The following TXNDC16 variants were observed in gnomAD, a reference collection of about 807,000 sequenced individuals.
TXNDC16 encodes the protein thioredoxin domain-containing protein 16.
TXNDC16 carries 74 observed loss-of-function variants against 85.6 expected under a neutral mutation model. The ratio of observed to expected loss-of-function variants is 0.86; its 90% CI spans 0.72 to 1.05. The LOEUF is 1.05. Among genes scored for constraint, TXNDC16 ranks in the 50% least tolerant of loss-of-function variants. TXNDC16 has a pLI of 0.00. For synonymous variants in TXNDC16, 335 were observed against 326.5 expected (o/e 1.03, Z -0.28); for missense variants, 959 against 947.0 (o/e 1.01, Z -0.17).
chr14:52,438,846 T>G (rs2035096246), intron 20 of TXNDC16, among the ~76,000 whole-genome samples: 1 of 152,228 alleles, frequency 6.6e-6, no homozygotes, highest in Non-Finnish European at 1.5e-5. Context: ...TCTTCTGAAA[T>G]CTACAATTTT....
At chr14:52,506,527 C>CA (rs2036805766) in intron 9 of TXNDC16, among the ~76,000 whole-genome samples, 1 of 97,550 alleles carries the variant, frequency 1.0e-5, no homozygotes, top group African/African-American at 4.4e-5. Flanking sequence ...TTCAACAACC[C>CA]TTTTTTTTTT....
At chr14:52,433,515 A>G (rs2034955591) in intron 20 of TXNDC16, among the ~76,000 whole-genome samples, 1 of 152,238 alleles carries the variant, frequency 6.6e-6, no homozygotes, top group Non-Finnish European at 1.5e-5. Context: ...AATGCTCATA[A>G]GATACAAACT....
rs751358262 is a variant in TXNDC16 at position 52,457,131 on chromosome 14, A to G, written c.1662T>C (p.Tyr554=). The G allele has an allele frequency of 1.3e-6, 2 of 1,594,330 alleles. No individual in the cohort carries two copies. Among genetic ancestry groups the G allele is most frequent in the East Asian group, 4.6e-5 (2 of 43,746 alleles). ...CTTCAGAATAAATTCCAGTGATAAC[A>G]TATCCTTTTAGGTAGTTTCCTGCTT... ...FSEAGNYLKG[Y]VITGIYSEED... is the part of the protein sequence containing the mutation. The change falls in exon 17 of 21, where the codon TAT becomes TAC. Residue 554 remains tyrosine (Y), a synonymous_variant. Coordinates refer to ENST00000281741, the MANE Select transcript of TXNDC16 (RefSeq NM_020784.3).
Position 52,543,631 on chromosome 14 carries a change from C to A in TXNDC16, c.-73-1G>T. On this transcript the variant is annotated splice_acceptor_variant, in intron 2 of 20. Coordinates refer to ENST00000281741, the MANE Select transcript of TXNDC16 (RefSeq NM_020784.3). LOFTEE classifies it low-confidence loss of function (5UTR_SPLICE). ...TGTGTTCTGTTTCCTAAGACAACAC[C>A]TGGCACAGAGAAGGTATTCAACAAG... The A allele has an allele frequency of 6.6e-7, 1 of 1,518,304 alleles. No homozygotes were observed. 94.1% of individuals were successfully genotyped at this position (1,518,304 alleles called of 1,614,324 possible). A position where few individuals can be genotyped will look rare whatever the true frequency, so the allele number is the denominator to read the frequency against.
chr14:52,489,576 G>C (rs1282764100), intron 11 of TXNDC16, among the ~76,000 whole-genome samples: 1 of 152,082 alleles, frequency 6.6e-6, no homozygotes, highest in Admixed American at 6.5e-5. Flanking sequence ...AACTTAATTT[G>C]TTCCAAATAT....
intron 7 of TXNDC16, among the ~76,000 whole-genome samples, chr14:52,516,258 C>G (rs2037080646): frequency 6.6e-6 from 1 of 152,146 alleles, no homozygotes; most frequent in East Asian, 1.9e-4. Flanking sequence ...TTATCTAACA[C>G]CTTCCTGTGA....
In TXNDC16 at chr14:52,455,367, T is replaced by G; in HGVS notation, c.1799A>C (p.Gln600Pro). The G allele has an allele frequency of 6.2e-7, 1 of 1,614,022 alleles. No homozygotes were observed. ...ATCTGTTATTATTTGAACTATGTCT[T>G]GTGCATGTGTGCTAGCTAGTGGGAT... ...ESIPLASTHAQDIVQIITDAL... is the reference protein window; with the variant it reads ...ESIPLASTHAPDIVQIITDAL... Residue 600 changes from glutamine to proline, a missense_variant, in exon 18 of 21, where the codon CAA becomes CCA. Gln to Pro is a moderately conservative substitution (Grantham distance 76). Transcript: ENST00000281741.
At chr14:52,504,407 G>A (rs10144589) in intron 9 of TXNDC16, among the ~76,000 whole-genome samples, 2,384 of 152,196 alleles carry the variant, frequency 0.016, 54 homozygotes, top group African/African-American at 0.053. Flanking sequence ...GAGAGTGGGG[G>A]CCAATATTCA....
intron 6 of TXNDC16, among the ~76,000 whole-genome samples, chr14:52,530,249 T>C (rs1470674990): frequency 2.0e-5 from 1 of 49,432 alleles, no homozygotes; most frequent in Non-Finnish European, 3.0e-5. Flanking sequence ...TAATATATAA[T>C]ATATATTATA....
At chr14:52,439,454 A>G (rs2035115490) in intron 19 of TXNDC16, 60 bp from the exon 20 acceptor site, 3 of 1,446,212 alleles carry the variant, frequency 2.1e-6, no homozygotes, top group African/African-American at 2.9e-5. Flanking sequence ...TAATGAAAAT[A>G]GTAATTCGTA....
chr14:52,520,264 T>C (rs1156234908), intron 6 of TXNDC16, among the ~76,000 whole-genome samples: 2 of 152,216 alleles, frequency 1.3e-5, no homozygotes, highest in African/African-American at 2.4e-5. Context: ...TTCTTCCGAA[T>C]CATCCTTTCA....
chr14:52,513,322 G>A (rs1325855935), intron 8 of TXNDC16, among the ~76,000 whole-genome samples: 1 of 152,090 alleles, frequency 6.6e-6, no homozygotes, highest in Non-Finnish European at 1.5e-5. Context: ...ACAAGTGAAA[G>A]AAAGAATGTA....
At chr14:52,503,394 G>C (rs2036710125) in intron 9 of TXNDC16, among the ~76,000 whole-genome samples, 1 of 152,172 alleles carries the variant, frequency 6.6e-6, no homozygotes, top group Admixed American at 6.5e-5. Flanking sequence ...GAACAATCAG[G>C]CAGCAACATT....
intron 14 of TXNDC16, among the ~76,000 whole-genome samples, chr14:52,474,845 C>T (rs1274214467): frequency 6.6e-6 from 1 of 152,098 alleles, no homozygotes; most frequent in Non-Finnish European, 1.5e-5. Context: ...CGGGGACAGA[C>T]AGAACAGCGT....
rs1360069154 is a variant in TXNDC16, at chr14:52,524,387, A to G, written c.393-5094T>C. Among the ~76,000 whole-genome samples the G allele has an allele frequency of 2.6e-5, 4 of 152,368 alleles. No individual in the cohort carries two copies. The East Asian group carries it at 7.7e-4, about 29-fold the overall frequency. ...TTCTGACAAAATACAGTATTGTCAC[A>G]AGAAGTAGTACCATATCTTAATAAA... On this transcript the variant is annotated intron_variant, in intron 6 of 20. Coordinates refer to ENST00000281741, the MANE Select transcript of TXNDC16 (RefSeq NM_020784.3).
intron 18 of TXNDC16, among the ~76,000 whole-genome samples, chr14:52,451,263 T>C (rs1373088953): frequency 7.3e-6 from 1 of 137,108 alleles, no homozygotes; most frequent in South Asian, 2.3e-4. Flanking sequence ...TATTGAAATT[T>C]AAAAAAAAAA....
intron 9 of TXNDC16, among the ~76,000 whole-genome samples, chr14:52,500,261 A>T (rs930424385): frequency 2.0e-5 from 3 of 152,252 alleles, no homozygotes; most frequent in Admixed American, 6.5e-5. Flanking sequence ...GTCCAACGGA[A>T]TATTATTCAG....
At position 52,490,373 on chromosome 14, in the gene TXNDC16, A is replaced by C. The variant is rs762127351; in HGVS notation, c.984+18T>G. 5 of 1,563,880 alleles carry C rather than the reference A, an allele frequency of 3.2e-6. No individual in the cohort carries two copies. In the South Asian group the frequency reaches 6.0e-5, roughly 19 times the overall value. On this transcript the variant is annotated intron_variant, in intron 11 of 20. Coordinates refer to ENST00000281741, the MANE Select transcript of TXNDC16 (RefSeq NM_020784.3). Reference sequence around the variant, plus strand: ...TTAAATAAACAGATATTGTAGAACAATACATAAAACAACTAACCTCTTCTG... The same window carrying C: ...TTAAATAAACAGATATTGTAGAACACTACATAAAACAACTAACCTCTTCTG...
chr14:52,472,802 G>T (rs974810877), intron 14 of TXNDC16, among the ~76,000 whole-genome samples: 2 of 152,028 alleles, frequency 1.3e-5, no homozygotes, highest in Admixed American at 1.3e-4. Context: ...GGGAGTCCTC[G>T]GTAAGGTTTT....
Sources: gnomAD v4.1 joint callset for allele counts (sites outside exome capture counted in the v4.1 genomes callset) on GRCh38, gnomAD v4.1.1 for gene constraint, MANE v1.5 for transcripts, NCBI Gene and HGNC (gene_info 2026-07-23, HGNC 2026-07-21) for gene names.